The following ADAMTS9 variants were observed in gnomAD, a reference collection of about 807,000 sequenced individuals.
The protein encoded by ADAMTS9 is ADAM metallopeptidase with thrombospondin type 1 motif 9, also known as A disintegrin and metalloproteinase with thrombospondin motifs 9.
In ADAMTS9, 107 loss-of-function variants were observed where a neutral mutation model predicts 257.1. The observed-to-expected ratio is 0.42, with a 90% CI of 0.36 to 0.49. ADAMTS9 has a LOEUF of 0.49. Ranked by LOEUF, ADAMTS9 falls within the 20% of genes least tolerant of loss-of-function variation. The pLI, the probability that ADAMTS9 is intolerant of heterozygous loss-of-function variation, is 0.03. For synonymous variants in ADAMTS9, 982 were observed against 880.9 expected (o/e 1.11, Z -2.03); for missense variants, 2,353 against 2,469.1 (o/e 0.95, Z 1.00).
chr3:64,660,028 T>C (rs1701186448), intron 3 of ADAMTS9, among the ~76,000 whole-genome samples: 1 of 152,206 alleles, frequency 6.6e-6, no homozygotes, highest in African/African-American at 2.4e-5. Context: ...TACTGAATTT[T>C]TGCATCATCA....
intron 28 of ADAMTS9, among the ~76,000 whole-genome samples, chr3:64,574,572 A>G (rs950116594): frequency 8.6e-5 from 13 of 151,656 alleles, no homozygotes; most frequent in Non-Finnish European, 2.9e-5. Context: ...AAAAAAAAAA[A>G]AAAAAGAAAA....
intron 8 of ADAMTS9, among the ~76,000 whole-genome samples, chr3:64,653,390 T>C (rs570825617): frequency 6.6e-6 from 1 of 152,274 alleles, no homozygotes; most frequent in Non-Finnish European, 1.5e-5. Flanking sequence ...GTATTTCCTC[T>C]GGAGAAAAGA....
chr3:64,578,708 G>A (rs1482265300), intron 28 of ADAMTS9, among the ~76,000 whole-genome samples: 2 of 152,124 alleles, frequency 1.3e-5, no homozygotes, highest in African/African-American at 4.8e-5. Context: ...TCTTCCTGTA[G>A]GCTTCCCCAT....
intron 3 of ADAMTS9, among the ~76,000 whole-genome samples, chr3:64,671,728 C>CATCAGA (rs1701494035): frequency 6.6e-6 from 1 of 152,180 alleles, no homozygotes; most frequent in African/African-American, 2.4e-5. Flanking sequence ...GTGCATACCA[C>CATCAGA]ATCAGATCTT....
At chr3:64,601,096 C>T (rs1310209483) in intron 26 of ADAMTS9, among the ~76,000 whole-genome samples, 2 of 151,920 alleles carry the variant, frequency 1.3e-5, no homozygotes, top group Admixed American at 1.3e-4. Flanking sequence ...CAAAACATTC[C>T]AAAGCATACT....
intron 30 of ADAMTS9, among the ~76,000 whole-genome samples, chr3:64,552,355 G>A (rs139866475): frequency 6.6e-6 from 1 of 152,208 alleles, no homozygotes; most frequent in African/African-American, 2.4e-5. Flanking sequence ...AGTGCCCTGT[G>A]TTGCTAAAGG....
At chr3:64,652,909 C>T (rs184049013) in intron 8 of ADAMTS9, among the ~76,000 whole-genome samples, 25 of 152,252 alleles carry the variant, frequency 1.6e-4, no homozygotes, top group Admixed American at 1.3e-3. Context: ...ATGTGTAACA[C>T]AAACTTTGTT....
intron 16 of ADAMTS9, among the ~76,000 whole-genome samples, chr3:64,624,155 G>A (rs1489271949): frequency 6.6e-6 from 1 of 151,812 alleles, no homozygotes; most frequent in African/African-American, 2.4e-5. Flanking sequence ...ATACAGCAAT[G>A]TGACTATAGT....
At chr3:64,590,226 T>C (rs1211791122) in intron 28 of ADAMTS9, 1 of 152,188 alleles carries the variant, frequency 6.6e-6, no homozygotes, top group Non-Finnish European at 1.5e-5. Context: ...AAAGTATCCC[T>C]TTAAAATACA....
At chr3:64,641,139 C>T (rs991202844) in intron 12 of ADAMTS9, among the ~76,000 whole-genome samples, 1 of 151,950 alleles carries the variant, frequency 6.6e-6, no homozygotes, top group Non-Finnish European at 1.5e-5. Context: ...TCCCAGGTCC[C>T]TTGAGGTCTA....
intron 38 of ADAMTS9, among the ~76,000 whole-genome samples, chr3:64,532,785 T>C (rs1455793970): frequency 6.6e-6 from 1 of 152,162 alleles, no homozygotes; most frequent in African/African-American, 2.4e-5. Flanking sequence ...TTTTTCTAAA[T>C]AAAAAGAAGA....
intron 15 of ADAMTS9, 25 bp downstream of exon 15, chr3:64,631,783 A>T (rs747192711): frequency 6.4e-7 from 1 of 1,571,864 alleles, no homozygotes. Flanking sequence ...ATTCCTTCTC[A>T]TGGTTCTTAG....
intron 14 of ADAMTS9, among the ~76,000 whole-genome samples, chr3:64,632,665 A>G (rs1446476970): frequency 6.6e-6 from 1 of 152,180 alleles, no homozygotes; most frequent in Non-Finnish European, 1.5e-5. Flanking sequence ...CGTTTTGTTC[A>G]TTTGTGTGAA....
Position 64,686,594 on chromosome 3 carries a change from C to T in ADAMTS9, c.490G>A (p.Ala164Thr). The T allele has an allele frequency of 6.2e-7, 1 of 1,612,350 alleles. No homozygotes were observed. The highest frequency in any genetic ancestry group is 8.5e-7 in the Non-Finnish European group (1 of 1,179,288). Reference sequence around the variant, plus strand: ...ATTCCTGAGCAGAGGCTGATGACGGCCGTGTGCTCGGAGTTGGTATTGACA... The same window carrying T: ...ATTCCTGAGCAGAGGCTGATGACGGTCGTGTGCTCGGAGTTGGTATTGACA... ...GYVNTNSEHT[A>T]VISLCSGMLG... is the part of the protein sequence containing the mutation. Residue 164 changes from alanine (A) to threonine (T), a missense_variant, in exon 2 of 40, where the codon GCC becomes ACC. By Grantham distance (58) the Ala-to-Thr change is moderately conservative (BLOSUM62 0). Coordinates refer to ENST00000498707, the MANE Select transcript of ADAMTS9 (RefSeq NM_182920.2). The surrounding 1 kb of genome is among the most constrained non-coding windows in gnomAD (Gnocchi z 4.6).
At chr3:64,651,289 C>T in intron 8 of ADAMTS9, 126 bp from the exon 9 acceptor site, 1 of 675,238 alleles carries the variant, frequency 1.5e-6, no homozygotes, top group East Asian at 3.3e-5. Flanking sequence ...AGAACCTGAA[C>T]CCTGGTAAGC....
intron 16 of ADAMTS9, among the ~76,000 whole-genome samples, chr3:64,631,024 A>T (rs1246708605): frequency 6.6e-6 from 1 of 152,216 alleles, no homozygotes; most frequent in Non-Finnish European, 1.5e-5. Flanking sequence ...AATACTGAAT[A>T]AGTCTACCAG....
At chr3:64,534,145 G>C (rs1047716972) in intron 37 of ADAMTS9, among the ~76,000 whole-genome samples, 8 of 152,202 alleles carry the variant, frequency 5.3e-5, no homozygotes, top group African/African-American at 1.9e-4. Context: ...CCAGCACTTT[G>C]TCAAAACAGT....
At chr3:64,527,871 A>G (rs2082929167) in intron 38 of ADAMTS9, among the ~76,000 whole-genome samples, 1 of 152,206 alleles carries the variant, frequency 6.6e-6, no homozygotes, top group Admixed American at 6.5e-5. Flanking sequence ...CCCAGGTCGA[A>G]ACATGAGAGT....
intron 11 of ADAMTS9, among the ~76,000 whole-genome samples, chr3:64,645,671 A>G (rs1356861539): frequency 6.6e-6 from 1 of 152,198 alleles, no homozygotes; most frequent in African/African-American, 2.4e-5. Flanking sequence ...CACATCTTTA[A>G]TAAAAGCTGC....
Sources: allele counts gnomAD v4.1 joint callset (sites outside exome capture counted in the v4.1 genomes callset), GRCh38; gene constraint gnomAD v4.1.1; non-coding constraint Gnocchi (gnomAD v3.1); transcripts MANE v1.5; gene names NCBI Gene and HGNC (gene_info 2026-07-23, HGNC 2026-07-21).